Variants in PTN observed in about 807,000 individuals in gnomAD.
PTN encodes pleiotrophin, also known as heparin affin regulatory protein.
In PTN, 18 loss-of-function variants were observed where a neutral mutation model predicts 24.1. That is an observed-to-expected ratio of 0.75 (90% CI 0.52 to 1.11). The LOEUF (loss-of-function observed/expected upper bound fraction) is 1.11. Ranked by LOEUF, PTN falls within the 50% of genes least tolerant of loss-of-function variation. The pLI, the probability that PTN is intolerant of heterozygous loss-of-function variation, is 0.00. For synonymous variants in PTN, 78 were observed against 68.6 expected (o/e 1.14, Z -0.67); for missense variants, 163 against 198.8 (o/e 0.82, Z 1.08).
intron 4 of PTN, among the ~76,000 whole-genome samples, chr7:137,246,603 C>T (rs1808727170): frequency 6.6e-6 from 1 of 152,116 alleles, no homozygotes; most frequent in African/African-American, 2.4e-5. Flanking sequence ...GAGAACAAAA[C>T]CTGGAACTGA....
chr7:137,254,781 G>A, intron 2 of PTN, 78 bp downstream of exon 2: 2 of 936,100 alleles, frequency 2.1e-6, no homozygotes, highest in Non-Finnish European at 3.0e-6. Flanking sequence ...GAGTAGAAGA[G>A]AGGAAGGAAA....
chr7:137,298,097 G>A (rs1809748573), intron 1 of PTN, among the ~76,000 whole-genome samples: 2 of 151,940 alleles, frequency 1.3e-5, no homozygotes, highest in South Asian at 4.1e-4. Context: ...AGCAAGAATT[G>A]ATAAAATATA....
intron 1 of PTN, among the ~76,000 whole-genome samples, chr7:137,277,931 A>C (rs1042321374): frequency 4.6e-5 from 7 of 152,020 alleles, no homozygotes; most frequent in Admixed American, 3.3e-4. Flanking sequence ...AGATAGATAG[A>C]TAGATAGATA....
intron 1 of PTN, among the ~76,000 whole-genome samples, chr7:137,299,404 G>A (rs955558311): frequency 6.6e-6 from 1 of 151,854 alleles, no homozygotes; most frequent in African/African-American, 2.4e-5. Context: ...TACAAATGGG[G>A]AAACTGAGTT....
intron 1 of PTN, among the ~76,000 whole-genome samples, chr7:137,268,341 G>A (rs1809200266): frequency 1.3e-5 from 2 of 152,100 alleles, no homozygotes; most frequent in African/African-American, 4.8e-5. Context: ...GCCGGTCAGG[G>A]AACCAAGAAA....
chr7:137,250,148 A>G (rs1244237147), intron 4 of PTN, among the ~76,000 whole-genome samples: 1 of 152,170 alleles, frequency 6.6e-6, no homozygotes, highest in Non-Finnish European at 1.5e-5. Context: ...AAGGTATTTG[A>G]ATTTAGAGTT....
chr7:137,294,793 G>A (rs2128877689), intron 1 of PTN, among the ~76,000 whole-genome samples: 1 of 152,258 alleles, frequency 6.6e-6, no homozygotes, highest in African/African-American at 2.4e-5. Context: ...CAAATTATTT[G>A]AAATAGTAAT....
At chr7:137,294,380 T>C (rs1195778413) in intron 1 of PTN, among the ~76,000 whole-genome samples, 4 of 152,058 alleles carry the variant, frequency 2.6e-5, no homozygotes, top group Admixed American at 6.6e-5. Flanking sequence ...TACAGAGAAG[T>C]TCTCCCGACT....
At chr7:137,290,645 T>C (rs954904978) in intron 1 of PTN, among the ~76,000 whole-genome samples, 1 of 152,148 alleles carries the variant, frequency 6.6e-6, no homozygotes, top group Non-Finnish European at 1.5e-5. Context: ...TATTATCTCT[T>C]CTTATAGTGC....
intron 1 of PTN, among the ~76,000 whole-genome samples, chr7:137,290,683 T>C (rs1809625620): frequency 6.6e-6 from 1 of 152,122 alleles, no homozygotes; most frequent in Non-Finnish European, 1.5e-5. Flanking sequence ...GACAAGTGAC[T>C]GACTCAAAAC....
chr7:137,239,870 G>A (rs1200083871), intron 4 of PTN, among the ~76,000 whole-genome samples: 2 of 152,154 alleles, frequency 1.3e-5, no homozygotes, highest in African/African-American at 4.8e-5. Context: ...GGAGTGACAT[G>A]TCCTCTCAGA....
intron 1 of PTN, among the ~76,000 whole-genome samples, chr7:137,333,407 T>G (rs1377113751): frequency 6.6e-6 from 1 of 152,204 alleles, no homozygotes; most frequent in Admixed American, 6.5e-5. Context: ...GAAGATTTTC[T>G]GTGTTACCTA....
chr7:137,269,794 G>A (rs754574340), intron 1 of PTN, among the ~76,000 whole-genome samples: 6 of 151,586 alleles, frequency 4.0e-5, no homozygotes, highest in African/African-American at 7.3e-5. Flanking sequence ...TACCCTGCCC[G>A]GCTAATTTTT....
intron 1 of PTN, among the ~76,000 whole-genome samples, chr7:137,264,120 A>G (rs1459868645): frequency 6.6e-6 from 1 of 152,142 alleles, no homozygotes; most frequent in East Asian, 1.9e-4. Context: ...TTCATCAGGA[A>G]CTGGGTCTGT....
intron 1 of PTN, among the ~76,000 whole-genome samples, chr7:137,310,773 T>C (rs1193011955): frequency 6.6e-6 from 1 of 152,220 alleles, no homozygotes; most frequent in Non-Finnish European, 1.5e-5. Context: ...ATCAATGATC[T>C]TAGCTGGATC....
chr7:137,333,770 C>T (rs1810399324), intron 1 of PTN, among the ~76,000 whole-genome samples: 2 of 152,176 alleles, frequency 1.3e-5, no homozygotes, highest in South Asian at 4.1e-4. Context: ...CTGGAGGCAT[C>T]ACGCTACCTG....
intron 1 of PTN, among the ~76,000 whole-genome samples, chr7:137,269,102 A>G (rs909503790): frequency 2.6e-5 from 4 of 152,204 alleles, no homozygotes; most frequent in Non-Finnish European, 1.5e-5. Flanking sequence ...TTTGACCTCA[A>G]TACATTTCTC....
intron 1 of PTN, among the ~76,000 whole-genome samples, chr7:137,263,117 A>G (rs1224767276): frequency 6.6e-6 from 1 of 152,188 alleles, no homozygotes; most frequent in Non-Finnish European, 1.5e-5. Context: ...GTGCTGAAGC[A>G]TTTTGGTGAA....
chr7:137,241,426 A>G (rs1364457186), intron 4 of PTN, among the ~76,000 whole-genome samples: 1 of 152,226 alleles, frequency 6.6e-6, no homozygotes, highest in African/African-American at 2.4e-5. Flanking sequence ...AATATAAACT[A>G]TAATCACTTT....
Sources: gnomAD v4.1 joint callset for allele counts (sites outside exome capture counted in the v4.1 genomes callset) on GRCh38, gnomAD v4.1.1 for gene constraint, MANE v1.5 for transcripts, NCBI Gene and HGNC (gene_info 2026-07-23, HGNC 2026-07-21) for gene names.